CNOT6L: variants seen among roughly 807,000 people sequenced by gnomAD.
The protein encoded by CNOT6L is CCR4-NOT transcription complex subunit 6-like.
CNOT6L carries 7 observed loss-of-function variants against 64.0 expected under a neutral mutation model. The observed-to-expected ratio is 0.11, with a 90% CI of 0.06 to 0.21. The LOEUF (loss-of-function observed/expected upper bound fraction) is 0.21. Ranked by LOEUF, CNOT6L falls within the 10% of genes least tolerant of loss-of-function variation. The pLI is 1.00. For missense variants in CNOT6L, 245 were observed against 669.0 expected (o/e 0.37, Z 6.99); for synonymous variants, 193 against 243.4 (o/e 0.79, Z 1.93).
chr4:77,759,174 C>A (rs1267937430), intron 4 of CNOT6L, among the ~76,000 whole-genome samples: 2 of 151,892 alleles, frequency 1.3e-5, no homozygotes, highest in Non-Finnish European at 1.5e-5. Flanking sequence ...TAAACTGATA[C>A]AAGATGCACA....
rs1215789627 is a variant in CNOT6L, at chr4:77,776,464, G to A, written c.6-72C>T. The A allele has an allele frequency of 5.5e-6, 6 of 1,088,528 alleles. No individual in the cohort carries two copies. The African/African-American group carries it at 8.1e-5, about 15-fold the overall frequency. The allele number at this position is 1,088,528 out of a possible 1,614,324, so 67.4% of individuals were successfully genotyped here. On this transcript the variant is annotated intron_variant, in intron 1 of 11. Transcript: ENST00000504123. ...CTTTAAAAAAAGAGAAAATAGGATG[G>A]TAAACTCCTTTTCTCTCCCATTACC...
At chr4:77,735,392 G>A (rs1249438236) in intron 8 of CNOT6L, among the ~76,000 whole-genome samples, 1 of 152,106 alleles carries the variant, frequency 6.6e-6, no homozygotes, top group African/African-American at 2.4e-5. Context: ...AGAAAACTGA[G>A]GCTGGGCAAG....
chr4:77,722,153 A>G (rs1421222188), intron 11 of CNOT6L, among the ~76,000 whole-genome samples: 1 of 152,150 alleles, frequency 6.6e-6, no homozygotes, highest in Non-Finnish European at 1.5e-5. Context: ...ATTTTAGAAA[A>G]TGAGTTACAA....
At chr4:77,817,253 ATAAC>A (rs1444084468) in intron 1 of CNOT6L, among the ~76,000 whole-genome samples, 2 of 152,186 alleles carry the variant, frequency 1.3e-5, no homozygotes, top group South Asian at 2.1e-4. Flanking sequence ...ATTTTTATAA[ATAAC>A]TAGGCTATTT....
rs1318447644 is a variant in CNOT6L, at chr4:77,737,751, ACATT to A, written c.872+4386_872+4389del. Among the ~76,000 whole-genome samples the A allele has an allele frequency of 3.9e-5, 6 of 152,038 alleles. No homozygotes were observed. The East Asian group carries it at 9.7e-4, about 25-fold the overall frequency. Reference sequence around the variant, plus strand: ...TCTTTTAACCACTGAAAGTGCATCCACATTCATTATTTTAACCCCATAAGAAACC... The same window carrying A: ...TCTTTTAACCACTGAAAGTGCATCCACATTATTTTAACCCCATAAGAAACC... On this transcript the variant is annotated intron_variant, in intron 8 of 11. Transcript: ENST00000504123.
At chr4:77,728,313 CTG>C (rs1205304812) in intron 10 of CNOT6L, among the ~76,000 whole-genome samples, 1 of 152,258 alleles carries the variant, frequency 6.6e-6, no homozygotes, top group Non-Finnish European at 1.5e-5. Flanking sequence ...GCAGTACACT[CTG>C]TGCCTCAGGC....
intron 5 of CNOT6L, among the ~76,000 whole-genome samples, chr4:77,755,242 T>G (rs1318037782): frequency 3.9e-5 from 5 of 129,450 alleles, no homozygotes; most frequent in Admixed American, 8.1e-5. Context: ...TTTTTTTTTT[T>G]TTTTTTTTTT....
Position 77,714,154 on chromosome 4 carries a change from C to T in CNOT6L, c.*6277G>A, listed in dbSNP as rs1177660393. 6.6e-6 allele frequency: 1 copy of T among 152,522 alleles called. No homozygotes were observed. Among genetic ancestry groups the T allele is most frequent in the Admixed American group, 6.6e-5 (1 of 15,254 alleles). 9.4% of individuals were successfully genotyped at this position (152,522 alleles called of 1,614,324 possible). ...TACAGTCATGTGCTTTGCTTTGCAA[C>T]CATTAGAATTAGATAGTTACAAAAA... On this transcript the variant is annotated 3_prime_UTR_variant, in exon 12 of 12. Coordinates refer to ENST00000504123, the MANE Select transcript of CNOT6L (RefSeq NM_144571.3).
intron 8 of CNOT6L, among the ~76,000 whole-genome samples, chr4:77,737,392 A>AT (rs887404104): frequency 2.0e-5 from 3 of 147,552 alleles, no homozygotes; most frequent in African/African-American, 7.7e-5. Flanking sequence ...ATAACATCCT[A>AT]TATTTGTACC....
At chr4:77,752,093 C>T (rs1169503951) in intron 5 of CNOT6L, among the ~76,000 whole-genome samples, 1 of 152,080 alleles carries the variant, frequency 6.6e-6, no homozygotes. Flanking sequence ...AGGATCACTT[C>T]AGCCCAGGAG....
At chr4:77,776,432 A>G in intron 1 of CNOT6L, 40 bp from the exon 2 acceptor site, 1 of 1,409,926 alleles carries the variant, frequency 7.1e-7, no homozygotes, top group Non-Finnish European at 9.7e-7. Context: ...TAATTATTAT[A>G]GTCTTACTTT....
intron 5 of CNOT6L, among the ~76,000 whole-genome samples, chr4:77,752,495 T>C (rs1326854524): frequency 6.6e-6 from 1 of 152,140 alleles, no homozygotes; most frequent in Non-Finnish European, 1.5e-5. Context: ...AGGTAATAAA[T>C]ATTTTTAACA....
At chr4:77,753,857 TTAA>T (rs1418175517) in intron 5 of CNOT6L, among the ~76,000 whole-genome samples, 3 of 150,716 alleles carry the variant, frequency 2.0e-5, no homozygotes, top group African/African-American at 7.3e-5. Flanking sequence ...TCTACTCATC[TTAA>T]TAAAGAAAAG....
chr4:77,756,233 T>G (rs1197479944), intron 5 of CNOT6L, among the ~76,000 whole-genome samples: 1 of 152,194 alleles, frequency 6.6e-6, no homozygotes, highest in African/African-American at 2.4e-5. Context: ...CCTCAGGTGA[T>G]CCGCCTTCCT....
intron 10 of CNOT6L, among the ~76,000 whole-genome samples, chr4:77,727,692 T>C (rs1463622815): frequency 6.6e-6 from 1 of 152,088 alleles, no homozygotes; most frequent in Non-Finnish European, 1.5e-5. Context: ...TTTCACTATG[T>C]TGTGTTGCCA....
intron 1 of CNOT6L, among the ~76,000 whole-genome samples, chr4:77,790,975 T>C (rs1730081691): frequency 6.6e-6 from 1 of 151,970 alleles, no homozygotes; most frequent in Non-Finnish European, 1.5e-5. Flanking sequence ...AACTTTCACA[T>C]TTTTAAAAAC....
chr4:77,808,214 C>G (rs962279847), intron 1 of CNOT6L, among the ~76,000 whole-genome samples: 2 of 152,060 alleles, frequency 1.3e-5, no homozygotes, highest in African/African-American at 2.4e-5. Context: ...GTAATCCCAA[C>G]ACTTTGGGAG....
Position 77,772,548 on chromosome 4 carries a change from A to C in CNOT6L, c.400+533T>G, listed in dbSNP as rs536694289. Among the ~76,000 whole-genome samples, 16 of 152,278 alleles carry C rather than the reference A, an allele frequency of 1.1e-4. No individual in the cohort carries two copies. In the South Asian group the frequency reaches 3.3e-3, roughly 32 times the overall value. On this transcript the variant is annotated intron_variant, in intron 4 of 11. Transcript: ENST00000504123. Reference sequence around the variant, plus strand: ...AAAATTAAAGGTAAGATACAAAAACAACCAAAAAATTTTCCCCTTACAAGT... The same window carrying C: ...AAAATTAAAGGTAAGATACAAAAACCACCAAAAAATTTTCCCCTTACAAGT...
rs1482163915 is a variant in CNOT6L at position 77,772,316 on chromosome 4, T to A, written c.400+765A>T. ...GGCGCGATCTCGGCTCCCCGCAACC[T>A]CTGCCTCCTGGGTTCAAGCGATTTT... is the stretch of plus-strand genomic sequence containing the variant. On this transcript the variant is annotated intron_variant, in intron 4 of 11. Transcript: ENST00000504123. Among the ~76,000 whole-genome samples the A allele has an allele frequency of 4.6e-5, 7 of 152,198 alleles. No homozygotes were observed. In the East Asian group the frequency reaches 1.4e-3, roughly 29 times the overall value.
Sources: gnomAD v4.1 joint callset for allele counts (sites outside exome capture counted in the v4.1 genomes callset) on GRCh38, gnomAD v4.1.1 for gene constraint, MANE v1.5 for transcripts, NCBI Gene and HGNC (gene_info 2026-07-23, HGNC 2026-07-21) for gene names.